Variants in SLC9A9 observed in about 807,000 individuals in gnomAD.
SLC9A9 encodes solute carrier family 9 member A9, also known as sodium/hydrogen exchanger 9.
SLC9A9 carries 62 observed loss-of-function variants against 77.8 expected under a neutral mutation model. The ratio of observed to expected loss-of-function variants is 0.80; its 90% confidence interval spans 0.65 to 0.98. The LOEUF (loss-of-function observed/expected upper bound fraction) is 0.98. SLC9A9 is among the 50% of genes least tolerant of loss of function. SLC9A9 has a pLI of 0.00. For synonymous variants in SLC9A9, 320 were observed against 283.5 expected (o/e 1.13, Z -1.29); for missense variants, 775 against 774.9 (o/e 1.00, Z 0.00).
intron 12 of SLC9A9, among the ~76,000 whole-genome samples, chr3:143,400,717 A>G (rs1195572503): frequency 2.0e-5 from 1 of 49,322 alleles, no homozygotes; most frequent in Non-Finnish European, 4.0e-5. Flanking sequence ...GACTGAATTT[A>G]TGCAAAAAAA....
chr3:143,751,062 A>T (rs1253263732), intron 4 of SLC9A9, among the ~76,000 whole-genome samples: 1 of 152,206 alleles, frequency 6.6e-6, no homozygotes, highest in African/African-American at 2.4e-5. Flanking sequence ...TGCACATCAG[A>T]TGCTGCTTCA....
chr3:143,503,705 G>A (rs838603), intron 9 of SLC9A9: 15,859 of 377,064 alleles, frequency 0.042, 598 homozygotes, highest in East Asian at 0.15. Context: ...CTCCCGGAGC[G>A]GCCACCCATG....
chr3:143,739,889 C>T (rs1935035915), intron 4 of SLC9A9, among the ~76,000 whole-genome samples: 1 of 152,200 alleles, frequency 6.6e-6, no homozygotes, highest in Non-Finnish European at 1.5e-5. Context: ...AAGCCTCAAC[C>T]ATTTATGCCT....
At chr3:143,461,938 C>T (rs933358801) in intron 12 of SLC9A9, among the ~76,000 whole-genome samples, 3 of 152,130 alleles carry the variant, frequency 2.0e-5, no homozygotes, top group Admixed American at 6.6e-5. Flanking sequence ...GGACAGTTCT[C>T]TTTTTATCTT....
chr3:143,318,604 G>T (rs2031308976), intron 14 of SLC9A9, among the ~76,000 whole-genome samples: 1 of 152,172 alleles, frequency 6.6e-6, no homozygotes, highest in South Asian at 2.1e-4. Context: ...CAACCCATCT[G>T]TCACAAATGG....
intron 4 of SLC9A9, among the ~76,000 whole-genome samples, chr3:143,755,265 A>G (rs999576756): frequency 6.6e-6 from 1 of 152,202 alleles, no homozygotes; most frequent in African/African-American, 2.4e-5. Context: ...TCCTCCCTCA[A>G]AAGTTTGCCA....
intron 14 of SLC9A9, among the ~76,000 whole-genome samples, chr3:143,284,404 ATTTTTT>A (rs36119351): frequency 3.7e-5 from 5 of 136,850 alleles, no homozygotes; most frequent in African/African-American, 8.0e-5. Flanking sequence ...GGCCCTTTCT[ATTTTTT>A]TTTTTTTTTG....
intron 12 of SLC9A9, among the ~76,000 whole-genome samples, chr3:143,408,777 C>A (rs189458079): frequency 6.6e-6 from 1 of 152,196 alleles, no homozygotes; most frequent in East Asian, 1.9e-4. Context: ...GAAAATAAAA[C>A]CTCACCTAAA....
intron 8 of SLC9A9, among the ~76,000 whole-genome samples, chr3:143,560,487 T>A (rs2037063592): frequency 6.6e-6 from 1 of 152,222 alleles, no homozygotes; most frequent in Non-Finnish European, 1.5e-5. Context: ...TAAAATTATA[T>A]TTTTGTGTTT....
chr3:143,587,289 A>G (rs982633408), intron 6 of SLC9A9, among the ~76,000 whole-genome samples: 7 of 152,362 alleles, frequency 4.6e-5, no homozygotes, highest in African/African-American at 1.7e-4. Context: ...CTTACATCTC[A>G]GTGGAGAAGA....
intron 14 of SLC9A9, among the ~76,000 whole-genome samples, chr3:143,319,432 T>C (rs1451182538): frequency 6.6e-6 from 1 of 152,198 alleles, no homozygotes; most frequent in Non-Finnish European, 1.5e-5. Context: ...ATGTCTGTCA[T>C]TTGCTTTGAA....
At position 143,405,993 on chromosome 3, in the gene SLC9A9, C is replaced by T. The variant is rs554511360; in HGVS notation, c.1470-23879G>A. Among the ~76,000 whole-genome samples the T allele has an allele frequency of 1.5e-4, 23 of 152,240 alleles. No individual in the cohort carries two copies. The East Asian group carries it at 1.7e-3, about 11-fold the overall frequency. On this transcript the variant is annotated intron_variant, in intron 12 of 15. Transcript: ENST00000316549. Reference sequence around the variant, plus strand: ...CCTTTTTTGTTGAAGAGAATGTCTGCCAAGCTCTGCACAGAGGCATTCTGG... The same window carrying T: ...CCTTTTTTGTTGAAGAGAATGTCTGTCAAGCTCTGCACAGAGGCATTCTGG...
intron 13 of SLC9A9, among the ~76,000 whole-genome samples, chr3:143,371,165 G>A (rs1453430083): frequency 3.9e-5 from 6 of 152,130 alleles, no homozygotes; most frequent in African/African-American, 1.4e-4. Flanking sequence ...AGGCTTACAG[G>A]GAGAAACTCT....
At chr3:143,446,787 T>A (rs1422731664) in intron 12 of SLC9A9, among the ~76,000 whole-genome samples, 1 of 152,146 alleles carries the variant, frequency 6.6e-6, no homozygotes, top group Non-Finnish European at 1.5e-5. Flanking sequence ...TGACTCTTAG[T>A]GTGAGGCATG....
At chr3:143,398,389 G>T (rs1205204510) in intron 12 of SLC9A9, among the ~76,000 whole-genome samples, 2 of 152,080 alleles carry the variant, frequency 1.3e-5, no homozygotes, top group Non-Finnish European at 2.9e-5. Flanking sequence ...GCCAACAAAG[G>T]TATCTCCACC....
chr3:143,832,916 A>G (rs2009473705), intron 1 of SLC9A9, among the ~76,000 whole-genome samples: 1 of 152,040 alleles, frequency 6.6e-6, no homozygotes. Context: ...AATATAATAC[A>G]TTCTCTAATT....
chr3:143,545,873 C>T (rs1028474503), intron 9 of SLC9A9, among the ~76,000 whole-genome samples: 1 of 152,192 alleles, frequency 6.6e-6, no homozygotes, highest in South Asian at 2.1e-4. Context: ...GTATGCATTG[C>T]AGTCTTTAAT....
chr3:143,622,869 A>G (rs2038246186), intron 6 of SLC9A9, among the ~76,000 whole-genome samples: 1 of 152,204 alleles, frequency 6.6e-6, no homozygotes, highest in African/African-American at 2.4e-5. Flanking sequence ...CAGGAAACCC[A>G]TCTCACATAC....
intron 12 of SLC9A9, among the ~76,000 whole-genome samples, chr3:143,430,255 C>CTCAT (rs1282276006): frequency 6.6e-6 from 1 of 152,160 alleles, no homozygotes; most frequent in Non-Finnish European, 1.5e-5. Context: ...CCCAGTGGGG[C>CTCAT]TCATTAATGC....
Sources: allele counts gnomAD v4.1 joint callset (sites outside exome capture counted in the v4.1 genomes callset), GRCh38; gene constraint gnomAD v4.1.1; transcripts MANE v1.5; gene names NCBI Gene and HGNC (gene_info 2026-07-23, HGNC 2026-07-21).